Variants in RBFOX1 observed in about 807,000 individuals in gnomAD.
RBFOX1 encodes the protein RNA binding protein fox-1 homolog 1.
RBFOX1 carries 8 observed loss-of-function variants against 57.7 expected under a neutral mutation model. That is an observed-to-expected ratio of 0.14 (90% CI 0.08 to 0.25). The LOEUF (loss-of-function observed/expected upper bound fraction) is 0.25. RBFOX1 is among the 10% of genes least tolerant of loss of function. The probability of loss-of-function intolerance (pLI) is 1.00; values close to 1 mark genes in which losing one functional copy is unlikely to be tolerated. For synonymous variants in RBFOX1, 326 were observed against 222.4 expected, an observed-to-expected ratio of 1.47 and a Z score of -4.15; for missense variants, 611 against 548.5, an observed-to-expected ratio of 1.11 and a Z score of -1.14.
intron 1 of RBFOX1, among the ~76,000 whole-genome samples, chr16:6,294,608 TGCTGAGCCCTCTGTGAGA>T (rs1380777507): frequency 6.6e-6 from 1 of 152,180 alleles, no homozygotes; most frequent in African/African-American, 2.4e-5. Flanking sequence ...GCCTACTTGA[TGCTGAGCCCTCTGTGAGA>T]TCCTATAGAG....
At chr16:5,766,813 C>T (rs895663770) in intron 3 of RBFOX1, among the ~76,000 whole-genome samples, 48 of 152,180 alleles carry the variant, frequency 3.2e-4, no homozygotes, top group African/African-American at 1.1e-3. Context: ...CCTCAAGGCC[C>T]TCTGCTCTCT....
intron 1 of RBFOX1, among the ~76,000 whole-genome samples, chr16:5,399,725 C>T (rs1186936843): frequency 6.6e-6 from 1 of 150,672 alleles, no homozygotes; most frequent in African/African-American, 2.5e-5. Context: ...GACAGTGAGA[C>T]CCTGTCTTAA....
Position 6,317,045 on chromosome 16 carries a change from G to C in RBFOX1, c.-76G>C. 6.5e-7 allele frequency: 1 copy of C among 1,535,156 alleles called. No individual in the cohort carries two copies. Among genetic ancestry groups the C allele is most frequent in the Non-Finnish European group, 8.7e-7 (1 of 1,146,282 alleles). On this transcript the variant is annotated 5_prime_UTR_variant, in exon 2 of 16. Coordinates refer to ENST00000550418, the MANE Select transcript of RBFOX1 (RefSeq NM_018723.4). Reference sequence around the variant, plus strand: ...GTGGAACTTACAGCTTCCTTGATCGGACTCAGCATTCAGTAAGTGCAACCC... The same window carrying C: ...GTGGAACTTACAGCTTCCTTGATCGCACTCAGCATTCAGTAAGTGCAACCC...
intron 3 of RBFOX1, among the ~76,000 whole-genome samples, chr16:5,799,621 G>T (rs574321135): frequency 6.6e-6 from 1 of 152,234 alleles, no homozygotes; most frequent in Admixed American, 6.5e-5. Flanking sequence ...TTTGTGTTAG[G>T]TGATTTTTGT....
At chr16:5,999,927 G>C (rs1426867492) in intron 4 of RBFOX1, among the ~76,000 whole-genome samples, 1 of 114,934 alleles carries the variant, frequency 8.7e-6, no homozygotes, top group Non-Finnish European at 1.8e-5. Context: ...AGGGAAATCA[G>C]ACAAGGAAAG....
intron 2 of RBFOX1, among the ~76,000 whole-genome samples, chr16:5,594,758 G>C (rs1477113988): frequency 1.3e-5 from 2 of 152,106 alleles, no homozygotes; most frequent in African/African-American, 4.8e-5. Flanking sequence ...TTCCTAGCTT[G>C]ACTTTTCCCT....
chr16:5,575,421 T>C (rs936230210), intron 2 of RBFOX1, among the ~76,000 whole-genome samples: 5 of 152,226 alleles, frequency 3.3e-5, no homozygotes, highest in African/African-American at 4.8e-5. Flanking sequence ...AACAGCTCTA[T>C]GTCAGGCAGG....
intron 2 of RBFOX1, among the ~76,000 whole-genome samples, chr16:6,404,581 TTTC>T (rs1388791257): frequency 6.6e-6 from 1 of 152,210 alleles, no homozygotes; most frequent in Admixed American, 6.5e-5. Flanking sequence ...TTTGATCCTT[TTTC>T]TTCTTTTTCC....
intron 4 of RBFOX1, among the ~76,000 whole-genome samples, chr16:7,086,430 G>A (rs538388321): frequency 1.3e-5 from 2 of 152,072 alleles, no homozygotes; most frequent in South Asian, 2.1e-4. Context: ...ATTGAACACT[G>A]CATCAATTAA....
chr16:7,024,674 G>A (rs972320498), intron 3 of RBFOX1, among the ~76,000 whole-genome samples: 1 of 152,182 alleles, frequency 6.6e-6, no homozygotes, highest in Non-Finnish European at 1.5e-5. Flanking sequence ...CAGGCACTTA[G>A]ATACGAATGG....
At chr16:5,614,607 C>T (rs574632920) in intron 3 of RBFOX1, among the ~76,000 whole-genome samples, 56 of 152,232 alleles carry the variant, frequency 3.7e-4, no homozygotes, top group Admixed American at 1.8e-3. Context: ...TTATTATAGA[C>T]GATACATCTC....
intron 5 of RBFOX1, among the ~76,000 whole-genome samples, chr16:7,575,251 C>T (rs1162553560): frequency 6.6e-6 from 1 of 152,030 alleles, no homozygotes; most frequent in African/African-American, 2.4e-5. Flanking sequence ...TCTCCTGCCT[C>T]ACCCTCCCAA....
At chr16:5,709,027 T>A (rs553942442) in intron 3 of RBFOX1, among the ~76,000 whole-genome samples, 1 of 152,246 alleles carries the variant, frequency 6.6e-6, no homozygotes, top group East Asian at 1.9e-4. Flanking sequence ...CCGAAATATT[T>A]CCCTACTCAG....
intron 4 of RBFOX1, among the ~76,000 whole-genome samples, chr16:7,394,379 G>C (rs1189875602): frequency 6.6e-6 from 1 of 151,344 alleles, no homozygotes; most frequent in African/African-American, 2.4e-5. Flanking sequence ...ATTTTACCCA[G>C]TCCCTTCTGT....
At chr16:5,724,175 C>T (rs1192000876) in intron 3 of RBFOX1, among the ~76,000 whole-genome samples, 2 of 152,062 alleles carry the variant, frequency 1.3e-5, no homozygotes, top group Non-Finnish European at 2.9e-5. Flanking sequence ...ATGTTTTTTC[C>T]TGAGTGGCAA....
chr16:6,425,228 C>A (rs2093890909), intron 2 of RBFOX1, among the ~76,000 whole-genome samples: 1 of 152,078 alleles, frequency 6.6e-6, no homozygotes. Flanking sequence ...CTTCCATATG[C>A]AGACAGGAAG....
chr16:6,407,173 C>G (rs1242609055), intron 2 of RBFOX1, among the ~76,000 whole-genome samples: 2 of 152,074 alleles, frequency 1.3e-5, no homozygotes, highest in Non-Finnish European at 2.9e-5. Flanking sequence ...CTGTATCTAT[C>G]TATATGTCTA....
At chr16:6,909,537 G>T (rs2071009926) in intron 3 of RBFOX1, among the ~76,000 whole-genome samples, 1 of 152,214 alleles carries the variant, frequency 6.6e-6, no homozygotes, top group Non-Finnish European at 1.5e-5. Flanking sequence ...CCTGTGTGAT[G>T]GCTTTATCTC....
chr16:6,531,644 G>A (rs540373405), intron 2 of RBFOX1, among the ~76,000 whole-genome samples: 4 of 152,226 alleles, frequency 2.6e-5, no homozygotes, highest in Admixed American at 6.5e-5. Flanking sequence ...ACCCATTCTC[G>A]GAGCATATGT....
Sources: gnomAD v4.1 joint callset for allele counts (sites outside exome capture counted in the v4.1 genomes callset) on GRCh38, gnomAD v4.1.1 for gene constraint, MANE v1.5 for transcripts, NCBI Gene and HGNC (gene_info 2026-07-23, HGNC 2026-07-21) for gene names.